The following GRK5 variants were observed in gnomAD, a reference collection of about 807,000 sequenced individuals.
The protein encoded by GRK5 is G protein-coupled receptor kinase 5.
A neutral mutation model predicts 78.4 loss-of-function variants in GRK5; 40 were observed. The observed-to-expected ratio is 0.51, with a 90% CI of 0.40 to 0.66. The LOEUF (loss-of-function observed/expected upper bound fraction) is 0.66, where lower values mean the gene tolerates loss of function less well. Among genes scored for constraint, GRK5 ranks in the 30% least tolerant of loss-of-function variants. The pLI, the probability that GRK5 is intolerant of heterozygous loss-of-function variation, is 0.00. For missense variants in GRK5, 598 were observed against 759.9 expected, an observed-to-expected ratio of 0.79 and a Z score of 2.50; for synonymous variants, 289 against 296.8, an observed-to-expected ratio of 0.97 and a Z score of 0.27.
chr10:119,440,890 G>A (rs1483266894), intron 10 of GRK5, among the ~76,000 whole-genome samples: 1 of 152,114 alleles, frequency 6.6e-6, no homozygotes, highest in East Asian at 1.9e-4. Flanking sequence ...CACAGAGAAG[G>A]GCAAGGCAGC....
chr10:119,310,161 C>T (rs552337788), intron 1 of GRK5, among the ~76,000 whole-genome samples: 73 of 152,254 alleles, frequency 4.8e-4, no homozygotes, highest in African/African-American at 1.7e-3. Flanking sequence ...ATAGGGGATG[C>T]AAAAATTCTG....
At position 119,217,057 on chromosome 10, in the gene GRK5, A is replaced by G. The variant is rs1848587115; in HGVS notation, c.52+9088A>G. Reference sequence around the variant, plus strand: ...CTCCCCTATCCTCCAAAGTGCTTTTATGTTCCAAAATAAATCTTTCTTCCT... The same window carrying G: ...CTCCCCTATCCTCCAAAGTGCTTTTGTGTTCCAAAATAAATCTTTCTTCCT... On this transcript the variant is annotated intron_variant, in intron 1 of 15. Coordinates refer to ENST00000392870, the MANE Select transcript of GRK5 (RefSeq NM_005308.3). The surrounding 1 kb of genome is among the most constrained non-coding windows in gnomAD (Gnocchi z 4.1). Among the ~76,000 whole-genome samples, 1 of 152,214 alleles carries G rather than the reference A, an allele frequency of 6.6e-6. No individual in the cohort carries two copies. The highest frequency in any genetic ancestry group is 2.1e-4 in the South Asian group (1 of 4,830).
chr10:119,269,584 A>G (rs912640162), intron 1 of GRK5, among the ~76,000 whole-genome samples: 29 of 152,060 alleles, frequency 1.9e-4, no homozygotes, highest in African/African-American at 6.7e-4. Flanking sequence ...TAATCTTAGC[A>G]CTTTGGGAGG....
rs772010466 is a variant in GRK5, at chr10:119,378,895, CAGAG to C, written c.149-1913_149-1910del. Among the ~76,000 whole-genome samples, 2 of 152,204 alleles carry C rather than the reference CAGAG, an allele frequency of 1.3e-5. 1 individual carries two copies. The highest frequency in any genetic ancestry group is 4.1e-4 in the South Asian group (2 of 4,830). On this transcript the variant is annotated intron_variant, in intron 2 of 15. Transcript: ENST00000392870. The surrounding 1 kb of genome is among the most constrained non-coding windows in gnomAD (Gnocchi z 4.5). Reference sequence around the variant, plus strand: ...CCACCCTTGAACCTGTCATTATGGCCAGAGAGAGAGGCCTCTGATTGGCTGTGAC... The same window carrying C: ...CCACCCTTGAACCTGTCATTATGGCCAGAGAGGCCTCTGATTGGCTGTGAC...
At chr10:119,300,300 G>T (rs1381229471) in intron 1 of GRK5, among the ~76,000 whole-genome samples, 3 of 152,182 alleles carry the variant, frequency 2.0e-5, no homozygotes, top group East Asian at 3.8e-4. Context: ...GCAAAATTGG[G>T]TTTATTTGCA....
chr10:119,435,739 T>C (rs759178935), intron 8 of GRK5, among the ~76,000 whole-genome samples: 14 of 152,266 alleles, frequency 9.2e-5, no homozygotes, highest in African/African-American at 3.4e-4. Context: ...TCCAAAGTCA[T>C]GTCTACCTTT....
intron 4 of GRK5, among the ~76,000 whole-genome samples, chr10:119,416,179 G>A (rs1852447519): frequency 6.6e-6 from 1 of 152,264 alleles, no homozygotes; most frequent in Non-Finnish European, 1.5e-5. Context: ...TGTTAATACA[G>A]GGAGATGCTT....
chr10:119,379,399 G>A lies in GRK5; in HGVS notation c.149-1416G>A, dbSNP rs774374965. On this transcript the variant is annotated intron_variant, in intron 2 of 15. Transcript: ENST00000392870. The surrounding 1 kb of genome is among the most constrained non-coding windows in gnomAD (Gnocchi z 4.1). Reference sequence around the variant, plus strand: ...CAGCTACCACGAGATCCTCCCTCCCGGCAAGCCATAGCTTTACATCCTGTG... The same window carrying A: ...CAGCTACCACGAGATCCTCCCTCCCAGCAAGCCATAGCTTTACATCCTGTG... Among the ~76,000 whole-genome samples the A allele has an allele frequency of 6.6e-6, 1 of 152,076 alleles. No individual in the cohort carries two copies. The highest frequency in any genetic ancestry group is 1.5e-5 in the Non-Finnish European group (1 of 68,026).
intron 1 of GRK5, among the ~76,000 whole-genome samples, chr10:119,214,612 T>C (rs1848541549): frequency 6.6e-6 from 1 of 151,828 alleles, no homozygotes; most frequent in Non-Finnish European, 1.5e-5. Context: ...TTCGACCTCC[T>C]GGGCTCAAGT....
At chr10:119,308,331 C>T (rs1261573743) in intron 1 of GRK5, among the ~76,000 whole-genome samples, 1 of 152,236 alleles carries the variant, frequency 6.6e-6, no homozygotes, top group Non-Finnish European at 1.5e-5. Flanking sequence ...TGTCATGCTG[C>T]AGCCCTGCCG....
At chr10:119,280,347 G>A (rs1288925539) in intron 1 of GRK5, among the ~76,000 whole-genome samples, 7 of 152,188 alleles carry the variant, frequency 4.6e-5, no homozygotes, top group Non-Finnish European at 8.8e-5. Context: ...CACACTTGTT[G>A]CCTCAAGCTC....
intron 1 of GRK5, among the ~76,000 whole-genome samples, chr10:119,234,336 CA>C (rs1160274690): frequency 6.6e-6 from 1 of 152,172 alleles, no homozygotes; most frequent in African/African-American, 2.4e-5. Flanking sequence ...TTGGTGTTGA[CA>C]AAAAATATTA....
intron 1 of GRK5, among the ~76,000 whole-genome samples, chr10:119,279,165 C>A (rs1849716812): frequency 6.6e-6 from 1 of 152,228 alleles, no homozygotes; most frequent in East Asian, 1.9e-4. Context: ...CAGGCGTGAG[C>A]CACTGCGCCT....
In GRK5 at chr10:119,452,710, C is replaced by G; in HGVS notation, c.1444C>G (p.Gln482Glu). The change falls in exon 14 of 16, where the codon CAG (glutamine) becomes GAG (glutamate). Residue 482 changes from glutamine (Q) to glutamate (E), a missense_variant. Physicochemically the swap from Gln to Glu is conservative, Grantham distance 29. Coordinates refer to ENST00000392870, the MANE Select transcript of GRK5 (RefSeq NM_005308.3). This position sits in a 1 kb window ranked among gnomAD's most constrained non-coding sequence, Gnocchi z 4.4. ...VYCKDVLDIE[Q>E]FSTVKGVNLD... ...CTGTAAGGACGTGCTGGACATCGAG[C>G]AGTTCTCCACTGTGAAGGGCGTCAA... 1 of 1,614,152 alleles carries G rather than the reference C, an allele frequency of 6.2e-7. No individual in the cohort carries two copies.
chr10:119,345,012 AG>A (rs1851064759), intron 2 of GRK5, among the ~76,000 whole-genome samples: 1 of 146,510 alleles, frequency 6.8e-6, no homozygotes, highest in African/African-American at 2.6e-5. Flanking sequence ...TCTGTCTCCC[AG>A]GCTGGAGTGC....
chr10:119,345,799 A>G (rs10886462), intron 2 of GRK5, among the ~76,000 whole-genome samples: 33,871 of 151,316 alleles, frequency 0.22, 4,937 homozygotes, highest in Non-Finnish European at 0.31. Context: ...TTATGGTGTC[A>G]AATCTCTGCT....
At chr10:119,269,490 C>A (rs1375396702) in intron 1 of GRK5, among the ~76,000 whole-genome samples, 1 of 152,032 alleles carries the variant, frequency 6.6e-6, no homozygotes, top group East Asian at 1.9e-4. Context: ...GTTCAGAGAG[C>A]TTTGCGTGCT....
At chr10:119,357,930 C>T (rs1851290698) in intron 2 of GRK5, among the ~76,000 whole-genome samples, 1 of 152,140 alleles carries the variant, frequency 6.6e-6, no homozygotes, top group Non-Finnish European at 1.5e-5. Context: ...GCGGCAGCCT[C>T]CCAAGCCAGG....
In GRK5 at chr10:119,430,473, T is replaced by C. The variant is rs756613587; in HGVS notation, c.597+35T>C. On this transcript the variant is annotated intron_variant, in intron 7 of 15. Transcript: ENST00000392870. The surrounding 1 kb of genome is among the most constrained non-coding windows in gnomAD (Gnocchi z 4.5). Reference sequence around the variant, plus strand: ...CATTCACGTTTTTAATTGAAAGTTCTTACATTCAAGTCACCTTTCCTGTCC... The same window carrying C: ...CATTCACGTTTTTAATTGAAAGTTCCTACATTCAAGTCACCTTTCCTGTCC... The C allele has an allele frequency of 6.3e-7, 1 of 1,577,414 alleles. No individual in the cohort carries two copies. The highest frequency in any genetic ancestry group is 1.1e-5 in the South Asian group (1 of 89,798).
Sources: gnomAD v4.1 joint callset for allele counts (sites outside exome capture counted in the v4.1 genomes callset) on GRCh38, gnomAD v4.1.1 for gene constraint, Gnocchi (gnomAD v3.1) non-coding constraint, MANE v1.5 for transcripts, NCBI Gene and HGNC (gene_info 2026-07-23, HGNC 2026-07-21) for gene names.